The following USO1 variants were observed in gnomAD, a reference collection of about 807,000 sequenced individuals.
USO1 encodes USO1 vesicle transport factor, also known as general vesicular transport factor p115.
A neutral mutation model predicts 124.5 loss-of-function variants in USO1; 57 were observed. That is an observed-to-expected ratio of 0.46 (90% CI 0.37 to 0.57). The LOEUF is 0.57. Ranked by LOEUF, USO1 falls within the 20% of genes least tolerant of loss-of-function variation. The probability of loss-of-function intolerance (pLI) is 0.00; values close to 1 mark genes in which losing one functional copy is unlikely to be tolerated. For synonymous variants in USO1, 369 were observed against 362.8 expected, an observed-to-expected ratio of 1.02 and a Z score of -0.19; for missense variants, 900 against 1,040.6, an observed-to-expected ratio of 0.86 and a Z score of 1.86.
At chr4:75,743,532 A>G (rs1400421859) in intron 1 of USO1, among the ~76,000 whole-genome samples, 1 of 151,930 alleles carries the variant, frequency 6.6e-6, no homozygotes, top group Non-Finnish European at 1.5e-5. Context: ...TGTTTTTAAT[A>G]TATTCTGTCT....
intron 1 of USO1, chr4:75,745,492 T>C (rs1721098828): frequency 2.8e-6 from 1 of 361,948 alleles, no homozygotes; most frequent in South Asian, 2.1e-5. Flanking sequence ...AGTATGGACT[T>C]TGGAGTGATA....
At chr4:75,772,536 C>T (rs575057732) in intron 7 of USO1, among the ~76,000 whole-genome samples, 2 of 152,140 alleles carry the variant, frequency 1.3e-5, no homozygotes, top group East Asian at 1.9e-4. Context: ...CGCGCCCGGC[C>T]GAGAAGTACA....
intron 8 of USO1, among the ~76,000 whole-genome samples, chr4:75,782,465 G>A (rs1577958486): frequency 6.6e-6 from 1 of 152,204 alleles, no homozygotes; most frequent in African/African-American, 2.4e-5. Context: ...TAAGGCGATT[G>A]GTTACTTGAC....
chr4:75,742,386 T>C (rs906284236), intron 1 of USO1, among the ~76,000 whole-genome samples: 1 of 152,234 alleles, frequency 6.6e-6, no homozygotes, highest in African/African-American at 2.4e-5. Context: ...GTCTGTGCAG[T>C]GGTCCATTGT....
At position 75,804,304 on chromosome 4, in the gene USO1, A is replaced by G. The variant is rs550330345; in HGVS notation, c.2125+32A>G. On this transcript the variant is annotated intron_variant, in intron 18 of 23. Coordinates refer to ENST00000514213, the MANE Select transcript of USO1 (RefSeq NM_003715.4). The stretch of plus-strand genomic sequence containing the variant: ...ATAGCTAAGCCATCACTATGATAGC[A>G]CTCAGGTCATTCTTTCCTCAAGAGC... The G allele has an allele frequency of 3.7e-5, 59 of 1,591,482 alleles. No homozygotes were observed. The South Asian group carries it at 6.6e-4, about 18-fold the overall frequency.
At chr4:75,759,246 CTTTTTTTTT>C (rs71208100) in intron 4 of USO1, among the ~76,000 whole-genome samples, 1 of 69,126 alleles carries the variant, frequency 1.4e-5, no homozygotes, top group Non-Finnish European at 2.4e-5. Flanking sequence ...TATTAAGGAC[CTTTTTTTTT>C]TTTTTTTTTC....
rs143575619 is a variant in USO1, at chr4:75,741,030, A to G, written c.67-11343A>G. ...GTCGGGGCTAAATTCTGAGAAATGCATTATTAGGCAGTTTTGTTGTGCAAA... is the reference window on the plus strand; with the variant it reads ...GTCGGGGCTAAATTCTGAGAAATGCGTTATTAGGCAGTTTTGTTGTGCAAA... On this transcript the variant is annotated intron_variant, in intron 1 of 23. Coordinates refer to ENST00000514213, the MANE Select transcript of USO1 (RefSeq NM_003715.4). Among the ~76,000 whole-genome samples, 8 of 152,304 alleles carry G rather than the reference A, an allele frequency of 5.3e-5. No homozygotes were observed. The East Asian group carries it at 1.5e-3, about 29-fold the overall frequency.
chr4:75,748,986 ATATT>A (rs1560439610), intron 1 of USO1, among the ~76,000 whole-genome samples: 1 of 151,858 alleles, frequency 6.6e-6, no homozygotes, highest in South Asian at 2.1e-4. Context: ...ATATATGTAT[ATATT>A]AGGAAAAGTG....
rs202201141 is a variant in USO1 at position 75,788,547 on chromosome 4, C to CT, written c.996+1357dup. On this transcript the variant is annotated intron_variant, in intron 10 of 23. Coordinates refer to ENST00000514213, the MANE Select transcript of USO1 (RefSeq NM_003715.4). ...ATTTTCTTTTCTTTTCTTTTCTTTTCTTTTTTTTTTTTGAGATGGAGTTTC... is the reference window on the plus strand; with the variant it reads ...ATTTTCTTTTCTTTTCTTTTCTTTTCTTTTTTTTTTTTTGAGATGGAGTTTC... Among the ~76,000 whole-genome samples, 1,140 of 139,686 alleles carry CT rather than the reference C, an allele frequency of 8.2e-3. 17 individuals carry two copies. Among genetic ancestry groups the CT allele is most frequent in the African/African-American group, 0.026 (981 of 37,852 alleles). The allele number at this position is 139,686 out of a possible 152,430, so 91.6% of individuals were successfully genotyped here. A position where few individuals can be genotyped will look rare whatever the true frequency, so the allele number is the denominator to read the frequency against.
chr4:75,761,807 C>T (rs1553899187), intron 4 of USO1, among the ~76,000 whole-genome samples: 1 of 152,106 alleles, frequency 6.6e-6, no homozygotes, highest in Non-Finnish European at 1.5e-5. Context: ...TTAAAAGGTA[C>T]ATCACAAAGT....
chr4:75,804,843 A>ATT (rs1185967765), intron 18 of USO1, among the ~76,000 whole-genome samples: 1 of 152,184 alleles, frequency 6.6e-6, no homozygotes, highest in Non-Finnish European at 1.5e-5. Flanking sequence ...TTTTAAAAGG[A>ATT]TTTTATTTTC....
At chr4:75,760,754 A>G in intron 4 of USO1, 1 of 387,302 alleles carries the variant, frequency 2.6e-6, no homozygotes, top group Non-Finnish European at 4.6e-6. Flanking sequence ...TTGAAGAGGA[A>G]TATTTTAATA....
Position 75,782,740 on chromosome 4 carries a change from A to G in USO1, c.737A>G (p.Asn246Ser), listed in dbSNP as rs922811200. The G allele has an allele frequency of 1.3e-6, 2 of 1,584,022 alleles. No homozygotes were observed. The highest frequency in any genetic ancestry group is 2.7e-5 in the African/African-American group (2 of 74,218). Reference sequence around the variant, plus strand: ...AACTTATTAAAAAACAACAACTCCAATCAAAATTTTTTTAAAGAAGGCTCA... The same window carrying G: ...AACTTATTAAAAAACAACAACTCCAGTCAAAATTTTTTTAAAGAAGGCTCA... ...LQNLLKNNNS[N>S]QNFFKEGSYI... Residue 246 changes from asparagine (N) to serine (S), a missense_variant, in exon 9 of 24, where the codon AAT becomes AGT. Around this residue, in one of 2 missense-constraint regions of USO1, gnomAD observed 538 missense variants for 681.6 expected, o/e 0.79. Transcript: ENST00000514213.
At chr4:75,804,927 A>G (rs1722950536) in intron 18 of USO1, 1 of 471,236 alleles carries the variant, frequency 2.1e-6, no homozygotes, top group Non-Finnish European at 3.6e-6. Flanking sequence ...CATGCAGTTT[A>G]GTCAAGGCTG....
chr4:75,731,466 G>T (rs556814733), intron 1 of USO1, among the ~76,000 whole-genome samples: 1 of 151,980 alleles, frequency 6.6e-6, no homozygotes, highest in Non-Finnish European at 1.5e-5. Flanking sequence ...GGAGGCTGAG[G>T]CAGGAGAATC....
At chr4:75,751,781 G>A (rs1023486397) in intron 1 of USO1, among the ~76,000 whole-genome samples, 9 of 151,636 alleles carry the variant, frequency 5.9e-5, no homozygotes, top group Middle Eastern at 3.4e-3. Context: ...GCAGTGAGCC[G>A]AGATCGCATT....
chr4:75,800,332 T>C lies in USO1; in HGVS notation c.1564-19T>C. The stretch of plus-strand genomic sequence containing the variant: ...TACTAGATATTTTCAATCCTTAGCC[T>C]CCTTAACAAAGATTTCAGCTTACAG... On this transcript the variant is annotated intron_variant, in intron 14 of 23. Transcript: ENST00000514213. 2 of 1,562,188 alleles carry C rather than the reference T, an allele frequency of 1.3e-6. No homozygotes were observed. The highest frequency in any genetic ancestry group is 1.7e-6 in the Non-Finnish European group (2 of 1,153,550).
At chr4:75,786,175 C>T (rs1274824689) in intron 9 of USO1, among the ~76,000 whole-genome samples, 1 of 152,062 alleles carries the variant, frequency 6.6e-6, no homozygotes, top group Non-Finnish European at 1.5e-5. Context: ...TTTAACTCCT[C>T]CCTCACAAAA....
chr4:75,808,877 A>G, intron 20 of USO1, 76 bp from the exon 21 acceptor site: 2 of 1,447,750 alleles, frequency 1.4e-6, no homozygotes, highest in Non-Finnish European at 1.8e-6. Flanking sequence ...CATTTTTTTA[A>G]ATGTCTCCCT....
Sources: gnomAD v4.1 joint callset for allele counts (sites outside exome capture counted in the v4.1 genomes callset) on GRCh38, gnomAD v4.1.1 for gene constraint, gnomAD v4.1.1 regional missense constraint, MANE v1.5 for transcripts, NCBI Gene and HGNC (gene_info 2026-07-23, HGNC 2026-07-21) for gene names.